Variants in CREG2 observed in about 807,000 individuals in gnomAD.
The protein encoded by CREG2 is cellular repressor of E1A stimulated genes 2.
CREG2 carries 24 observed loss-of-function variants against 26.2 expected under a neutral mutation model. That is an observed-to-expected ratio of 0.92 (90% CI 0.66 to 1.29). The LOEUF is 1.29. Ranked by LOEUF, CREG2 falls within the 50% of genes most tolerant of loss-of-function variation. The pLI, the probability that CREG2 is intolerant of heterozygous loss-of-function variation, is 0.00. For synonymous variants in CREG2, 174 were observed against 169.2 expected, an observed-to-expected ratio of 1.03 and a Z score of -0.22; for missense variants, 366 against 398.6, an observed-to-expected ratio of 0.92 and a Z score of 0.70.
At chr2:101,352,038 T>C (rs7590565) in intron 3 of CREG2, among the ~76,000 whole-genome samples, 102,023 of 142,544 alleles carry the variant, frequency 0.72, 36,242 homozygotes, top group South Asian at 0.81. Flanking sequence ...GCCTGGCTAA[T>C]TTAAAAAAAA....
chr2:101,357,313 G>A (rs769622370), intron 2 of CREG2, among the ~76,000 whole-genome samples: 1 of 152,176 alleles, frequency 6.6e-6, no homozygotes, highest in African/African-American at 2.4e-5. Context: ...GTGAGCCATC[G>A]TGCCTGGCCT....
chr2:101,373,888 C>G (rs1409956536), intron 2 of CREG2, among the ~76,000 whole-genome samples: 1 of 152,174 alleles, frequency 6.6e-6, no homozygotes, highest in Non-Finnish European at 1.5e-5. Flanking sequence ...TTTTTGAGAA[C>G]AGGGTCTACA....
Position 101,387,355 on chromosome 2 carries a change from C to A in CREG2, c.103G>T (p.Val35Leu). 6.7e-7 allele frequency: 1 copy of A among 1,486,476 alleles called. No individual in the cohort carries two copies. Among genetic ancestry groups the A allele is most frequent in the South Asian group, 1.3e-5 (1 of 77,646 alleles). The allele number at this position is 1,486,476 out of a possible 1,614,324, so 92.1% of individuals were successfully genotyped here. Residue 35 changes from valine to leucine, a missense_variant, in exon 1 of 4, where the codon GTG (valine) becomes TTG (leucine). Physicochemically the swap from Val to Leu is conservative, Grantham distance 32 (BLOSUM62 1). This residue lies in a region of CREG2 where 177 missense variants were observed against 183.3 expected (regional missense o/e 0.97). Coordinates refer to ENST00000324768, the MANE Select transcript of CREG2 (RefSeq NM_153836.4). The surrounding 1 kb of genome is among the most constrained non-coding windows in gnomAD (Gnocchi z 4.7). Reference sequence around the variant, plus strand: ...GTGACGGCCCAAGACACGGAGCTCACGATCACGTAGCCCGCGGCCGGGGAC... The same window carrying A: ...GTGACGGCCCAAGACACGGAGCTCAAGATCACGTAGCCCGCGGCCGGGGAC... ...LLSPAAGYVIVSSVSWAVTNE... is the reference protein window; with the variant it reads ...LLSPAAGYVILSSVSWAVTNE...
At chr2:101,367,266 G>C (rs1324909089) in intron 2 of CREG2, among the ~76,000 whole-genome samples, 1 of 152,200 alleles carries the variant, frequency 6.6e-6, no homozygotes, top group Non-Finnish European at 1.5e-5. Context: ...TGTTCGAACA[G>C]TCCACTCTTG....
chr2:101,359,758 G>A (rs1316098903), intron 2 of CREG2, among the ~76,000 whole-genome samples: 1 of 152,224 alleles, frequency 6.6e-6, no homozygotes, highest in East Asian at 1.9e-4. Flanking sequence ...GGAAGGTTAA[G>A]CCTAGAGGTT....
intron 2 of CREG2, among the ~76,000 whole-genome samples, chr2:101,361,670 G>A (rs1488795985): frequency 6.6e-6 from 1 of 152,200 alleles, no homozygotes; most frequent in East Asian, 1.9e-4. Flanking sequence ...ATAAATCTGG[G>A]TTACTTTAAG....
rs898359383 is a variant in CREG2, at chr2:101,348,611, A to G, written c.*2312T>C. 3.3e-5 allele frequency: 5 copies of G among 152,292 alleles called. No individual in the cohort carries two copies. The highest frequency in any genetic ancestry group is 2.0e-4 in the Admixed American group (3 of 15,294). The allele number at this position is 152,292 out of a possible 1,614,324, so 9.4% of individuals were successfully genotyped here. ...GTTCATCGTTAGCATAGAGAAATGC[A>G]ATTGACTTTTGTATGCTGATCTTGT... On this transcript the variant is annotated 3_prime_UTR_variant, in exon 4 of 4. Transcript: ENST00000324768.
rs537217202 is a variant in CREG2, at chr2:101,356,982, C to T, written c.612-1616G>A. 2.6e-5 allele frequency among the ~76,000 whole-genome samples: 4 copies of T among 152,058 alleles called. No homozygotes were observed. The South Asian group carries it at 6.2e-4, about 24-fold the overall frequency. On this transcript the variant is annotated intron_variant, in intron 2 of 3. Coordinates refer to ENST00000324768, the MANE Select transcript of CREG2 (RefSeq NM_153836.4). ...TTGGCTCACTGCAACCTCCGCCTCC[C>T]GGGTTCAAGCAATTCTCCTGCCCCA... is the stretch of plus-strand genomic sequence containing the variant.
At chr2:101,383,475 C>T (rs1684910923) in intron 2 of CREG2, 58 bp downstream of exon 2, 1 of 1,564,608 alleles carries the variant, frequency 6.4e-7, no homozygotes, top group Non-Finnish European at 8.8e-7. Flanking sequence ...AACCCACCCC[C>T]AACTCTCTGT....
intron 2 of CREG2, among the ~76,000 whole-genome samples, chr2:101,358,756 C>CAGGAATGAAAGGAAGTAAAGTA (rs1684498392): frequency 5.0e-5 from 1 of 19,912 alleles, no homozygotes; most frequent in African/African-American, 7.6e-5. Flanking sequence ...ACTGAGGTGG[C>CAGGAATGAAAGGAAGTAAAGTA]CGGGCGCGGT....
chr2:101,382,535 A>G, intron 2 of CREG2: 1 of 985,332 alleles, frequency 1.0e-6, no homozygotes, highest in Non-Finnish European at 1.2e-6. Flanking sequence ...TCCATGAGAA[A>G]GGAAATGTTT....
intron 2 of CREG2, among the ~76,000 whole-genome samples, chr2:101,362,892 G>A (rs572436965): frequency 5.3e-5 from 8 of 152,272 alleles, no homozygotes; most frequent in African/African-American, 1.9e-4. Flanking sequence ...GGAGCCCAGA[G>A]GGATGTCCTT....
chr2:101,362,194 A>G (rs191479845), intron 2 of CREG2, among the ~76,000 whole-genome samples: 2 of 152,220 alleles, frequency 1.3e-5, no homozygotes, highest in Non-Finnish European at 2.9e-5. Flanking sequence ...ACCTGGAGAG[A>G]TGCTCACTTT....
At chr2:101,380,381 A>G (rs576471056) in intron 2 of CREG2, among the ~76,000 whole-genome samples, 5 of 152,334 alleles carry the variant, frequency 3.3e-5, no homozygotes, top group Admixed American at 2.0e-4. Flanking sequence ...TGATGAACGC[A>G]GAGGCAGGCT....
chr2:101,355,137 G>T, intron 3 of CREG2, 116 bp downstream of exon 3: 1 of 686,922 alleles, frequency 1.5e-6, no homozygotes, highest in Non-Finnish European at 2.6e-6. Context: ...TATTCCCACC[G>T]AAGGGCAGTG....
At position 101,350,160 on chromosome 2, in the gene CREG2, T is replaced by G. The variant is rs188063188; in HGVS notation, c.*763A>C. ...TTTCCCCACCACAGAATGGAGAGCTTCTTATTTTGGATGCCCCTGTTCATG... is the reference window on the plus strand; with the variant it reads ...TTTCCCCACCACAGAATGGAGAGCTGCTTATTTTGGATGCCCCTGTTCATG... On this transcript the variant is annotated 3_prime_UTR_variant, in exon 4 of 4. Coordinates refer to ENST00000324768, the MANE Select transcript of CREG2 (RefSeq NM_153836.4). The G allele has an allele frequency of 2.0e-4, 31 of 152,318 alleles. No homozygotes were observed. The highest frequency in any genetic ancestry group is 1.8e-3 in the Admixed American group (28 of 15,296). 9.4% of individuals were successfully genotyped at this position (152,318 alleles called of 1,614,324 possible).
At chr2:101,356,019 T>C (rs1684452956) in intron 2 of CREG2, among the ~76,000 whole-genome samples, 1 of 151,876 alleles carries the variant, frequency 6.6e-6, no homozygotes, top group South Asian at 2.1e-4. Flanking sequence ...GGCTGGTGAG[T>C]GCAGAGGTTT....
chr2:101,381,709 C>T (rs1162009405), intron 2 of CREG2, among the ~76,000 whole-genome samples: 1 of 152,162 alleles, frequency 6.6e-6, no homozygotes, highest in African/African-American at 2.4e-5. Context: ...TCTCCCAGGC[C>T]AGAGTAACAG....
chr2:101,355,194 A>G (rs1280075546), intron 3 of CREG2, 59 bp downstream of exon 3: 1 of 1,117,548 alleles, frequency 8.9e-7, no homozygotes, highest in Non-Finnish European at 1.4e-6. Flanking sequence ...GCACAGCCTG[A>G]CCTCTGCTTA....
Sources: gnomAD v4.1 joint callset for allele counts (sites outside exome capture counted in the v4.1 genomes callset) on GRCh38, gnomAD v4.1.1 for gene constraint, gnomAD v4.1.1 regional missense constraint, Gnocchi (gnomAD v3.1) non-coding constraint, MANE v1.5 for transcripts, NCBI Gene and HGNC (gene_info 2026-07-23, HGNC 2026-07-21) for gene names.